The following TLE2 variants were observed in gnomAD, a reference collection of about 807,000 sequenced individuals.
TLE2 encodes the protein transducin-like enhancer protein 2.
Under a neutral mutation model 97.2 loss-of-function variants are expected in TLE2, and 74 were observed. The ratio of observed to expected loss-of-function variants is 0.76; its 90% CI spans 0.63 to 0.92. The LOEUF is 0.92. TLE2 is among the 40% of genes least tolerant of loss of function. The probability of loss-of-function intolerance (pLI) is 0.00; values close to 1 mark genes in which losing one functional copy is unlikely to be tolerated. For synonymous variants in TLE2, 499 were observed against 432.1 expected, an observed-to-expected ratio of 1.15 and a Z score of -1.92; for missense variants, 1,038 against 1,008.7, an observed-to-expected ratio of 1.03 and a Z score of -0.39.
intron 1 of TLE2, among the ~76,000 whole-genome samples, chr19:3,035,752 C>T (rs2090057473): frequency 6.6e-6 from 1 of 152,174 alleles, no homozygotes; most frequent in Non-Finnish European, 1.5e-5. Context: ...CAACCAATGG[C>T]AGGAGGCACT....
intron 15 of TLE2, 74 bp downstream of exon 15, chr19:3,006,346 G>T: frequency 6.5e-7 from 1 of 1,548,358 alleles, no homozygotes; most frequent in South Asian, 1.2e-5. Context: ...GCCAGCCTGC[G>T]AACACCGCCC....
At chr19:3,009,800 A>C (rs1243456887) in intron 12 of TLE2, 98 bp from the exon 13 acceptor site, 1 of 1,452,404 alleles carries the variant, frequency 6.9e-7, no homozygotes, top group African/African-American at 1.4e-5. Flanking sequence ...TAGAGTTTCC[A>C]TGTGCTGGTT....
At chr19:3,046,584 C>T (rs1795129833), upstream of TLE2, among the ~76,000 whole-genome samples, 1 of 151,438 alleles carries the variant, frequency 6.6e-6, no homozygotes, top group African/African-American at 2.4e-5. Flanking sequence ...CCCCCACCCC[C>T]CACCCCACCT....
rs979599031 is a variant in TLE2, at chr19:3,006,271, C to T, written c.1500+149G>A. 52 of 1,312,758 alleles carry T rather than the reference C, an allele frequency of 4.0e-5. 1 individual carries two copies. The African/African-American group carries it at 6.8e-4, about 17-fold the overall frequency. The allele number at this position is 1,312,758 out of a possible 1,614,324, so 81.3% of individuals were successfully genotyped here. A position where few individuals can be genotyped will look rare whatever the true frequency, so the allele number is the denominator to read the frequency against. On this transcript the variant is annotated intron_variant, in intron 15 of 19. Transcript: ENST00000262953. ...ACCCCTTTGGCCTGCAAGCCTTGTC[C>T]CATGCGACTACGAGCTCCGCCCCTC...
chr19:3,038,676 G>C (rs1284037279), intron 1 of TLE2, among the ~76,000 whole-genome samples: 2 of 152,252 alleles, frequency 1.3e-5, no homozygotes, highest in African/African-American at 4.8e-5. Flanking sequence ...GGGAGGCCAA[G>C]ATGGAGGGAC....
chr19:3,046,977 C>G (rs1004432434), upstream of TLE2, among the ~76,000 whole-genome samples: 8 of 113,540 alleles, frequency 7.0e-5, no homozygotes, highest in African/African-American at 3.4e-5. Flanking sequence ...CCCCCACCTT[C>G]CTATTCTTCC....
chr19:3,041,527 A>G (rs1346367022), intron 1 of TLE2, among the ~76,000 whole-genome samples: 1 of 151,994 alleles, frequency 6.6e-6, no homozygotes, highest in African/African-American at 2.4e-5. Flanking sequence ...CCTCGGCTCA[A>G]ATGTCACCTC....
At chr19:3,000,824 C>CCT (rs2089341636) in intron 18 of TLE2, 101 bp from the exon 19 acceptor site, 2 of 505,352 alleles carry the variant, frequency 4.0e-6, no homozygotes, top group African/African-American at 4.7e-5. Flanking sequence ...TGGCCTCTCC[C>CCT]TTTTTTTTTT....
chr19:3,015,902 C>T, intron 8 of TLE2, 142 bp from the exon 9 acceptor site: 1 of 712,260 alleles, frequency 1.4e-6, no homozygotes, highest in Non-Finnish European at 2.5e-6. Flanking sequence ...TGGGAGCTTC[C>T]AACGGCTGAC....
chr19:3,021,867 G>A (rs2089851265), intron 5 of TLE2, among the ~76,000 whole-genome samples: 1 of 152,128 alleles, frequency 6.6e-6, no homozygotes, highest in Admixed American at 6.5e-5. Context: ...ACAGGTGTGA[G>A]CCACTGCGCC....
upstream of TLE2, among the ~76,000 whole-genome samples, chr19:3,032,212 G>A (rs1460427481): frequency 2.7e-5 from 4 of 150,436 alleles, no homozygotes; most frequent in Middle Eastern, 7.2e-3. The surrounding 1 kb of genome is among the most constrained non-coding windows in gnomAD (Gnocchi z 4.1). Context: ...GATTACAGGC[G>A]TGAGCTACCA....
chr19:3,024,887 G>T, intron 5 of TLE2, 133 bp downstream of exon 5: 1 of 758,046 alleles, frequency 1.3e-6, no homozygotes, highest in Non-Finnish European at 2.1e-6. Context: ...GACTACTGCA[G>T]TGAAAATGGT....
chr19:3,021,102 A>C (rs2089829714), intron 5 of TLE2, among the ~76,000 whole-genome samples: 1 of 120,618 alleles, frequency 8.3e-6, no homozygotes, highest in Non-Finnish European at 1.8e-5. Context: ...AAAAAAAAAA[A>C]AAAAAAAAAA....
chr19:3,036,249 T>C (rs745491382), intron 1 of TLE2, among the ~76,000 whole-genome samples: 3 of 152,008 alleles, frequency 2.0e-5, no homozygotes, highest in Non-Finnish European at 4.4e-5. Context: ...GAGCACGGGT[T>C]TTCAGAAAAA....
chr19:3,020,637 G>A (rs757942302), intron 5 of TLE2: 12 of 152,088 alleles, frequency 7.9e-5, no homozygotes, highest in South Asian at 2.1e-4. Context: ...CTAAACCTGC[G>A]TGGATTTGTC....
intron 18 of TLE2, among the ~76,000 whole-genome samples, chr19:3,001,787 CTTTCTT>C (rs1297630836): frequency 9.9e-5 from 12 of 121,140 alleles, no homozygotes; most frequent in Non-Finnish European, 1.5e-4. Flanking sequence ...AATTTCTTTT[CTTTCTT>C]TTTTTTTTTT....
rs572980080 is a variant in TLE2, at chr19:3,007,000, G to T, written c.1251-331C>A. The stretch of plus-strand genomic sequence containing the variant: ...GGGTTTCACCATGTTGGCCAGGCTG[G>T]TTTTGAACTCCTAACCTCAAGTGAT... On this transcript the variant is annotated intron_variant, in intron 14 of 19. Transcript: ENST00000262953. Among the ~76,000 whole-genome samples the T allele has an allele frequency of 5.3e-4, 81 of 152,152 alleles. No homozygotes were observed. The South Asian group carries it at 0.016, about 30-fold the overall frequency.
At position 3,019,385 on chromosome 19, in the gene TLE2, C is replaced by G; in HGVS notation, c.448G>C (p.Ala150Pro). The G allele has an allele frequency of 6.5e-7, 1 of 1,545,804 alleles. No homozygotes were observed. The highest frequency in any genetic ancestry group is 8.7e-7 in the Non-Finnish European group (1 of 1,152,046). Residue 150 changes from alanine to proline, a missense_variant, in exon 7 of 20, where the codon GCT becomes CCT. Physicochemically the swap from Ala to Pro is conservative, Grantham distance 27 (BLOSUM62 -1). Transcript: ENST00000262953. The surrounding 1 kb of genome is among the most constrained non-coding windows in gnomAD (Gnocchi z 5.1). ...PRPAGLVGGS[A>P]TGLLALSGAL... ...CCAGACAGAGCAAGCAGCCCCGTAG[C>G]ACTGCCGCCCACCAGCCCGGCTGGG...
chr19:3,003,374 A>C (rs1368916741), intron 17 of TLE2, among the ~76,000 whole-genome samples: 2 of 152,132 alleles, frequency 1.3e-5, no homozygotes, highest in Non-Finnish European at 2.9e-5. Flanking sequence ...TCTGTGGCTC[A>C]GGCCTGTAAT....
Sources: allele counts gnomAD v4.1 joint callset (sites outside exome capture counted in the v4.1 genomes callset), GRCh38; gene constraint gnomAD v4.1.1; non-coding constraint Gnocchi (gnomAD v3.1); transcripts MANE v1.5; gene names NCBI Gene and HGNC (gene_info 2026-07-23, HGNC 2026-07-21).